Variants in SH3BGRL2 observed in about 807,000 individuals in gnomAD.
The protein encoded by SH3BGRL2 is SH3 domain binding glutamate rich protein like 2.
SH3BGRL2 carries 21 observed loss-of-function variants against 14.8 expected under a neutral mutation model. The observed-to-expected ratio is 1.42, with a 90% CI of 1.01 to 2.05. The LOEUF (loss-of-function observed/expected upper bound fraction) is 2.05. Ranked by LOEUF, SH3BGRL2 falls within the 30% of genes most tolerant of loss-of-function variation. SH3BGRL2 has a pLI of 0.00. For missense variants in SH3BGRL2, 147 were observed against 130.8 expected (o/e 1.12, Z -0.61); for synonymous variants, 50 against 47.8 (o/e 1.05, Z -0.19).
At chr6:79,562,115 G>A in the SH3BGRL2 span, among the ~76,000 whole-genome samples, 1 of 152,134 alleles carries the variant, frequency 6.6e-6, no homozygotes, top group African/African-American at 2.4e-5. Flanking sequence ...AACTAGTAGA[G>A]TAAGTTTACT....
At chr6:79,697,931 A>G (rs1770366588) in intron 3 of SH3BGRL2, among the ~76,000 whole-genome samples, 1 of 152,158 alleles carries the variant, frequency 6.6e-6, no homozygotes, top group Admixed American at 6.5e-5. Flanking sequence ...TTCTTTAGAG[A>G]CTGTGGGCTG....
the SH3BGRL2 span, among the ~76,000 whole-genome samples, chr6:79,547,914 G>A: frequency 6.6e-6 from 1 of 152,220 alleles, no homozygotes; most frequent in Non-Finnish European, 1.5e-5. Flanking sequence ...TGCCCAGGCT[G>A]GAGTGCAGGG....
intron 2 of SH3BGRL2, among the ~76,000 whole-genome samples, chr6:79,677,186 G>T (rs1056999157): frequency 2.6e-5 from 4 of 152,166 alleles, no homozygotes; most frequent in Non-Finnish European, 5.9e-5. Flanking sequence ...TTTCTGACTG[G>T]TGTCATCTGG....
At chr6:79,576,126 C>A in the SH3BGRL2 span, among the ~76,000 whole-genome samples, 2 of 152,132 alleles carry the variant, frequency 1.3e-5, no homozygotes, top group African/African-American at 4.8e-5. Flanking sequence ...CAAACCCTAT[C>A]ATACAAGCTA....
the SH3BGRL2 span, among the ~76,000 whole-genome samples, chr6:79,554,794 A>C: frequency 6.6e-6 from 1 of 152,160 alleles, no homozygotes; most frequent in East Asian, 1.9e-4. Context: ...TAAAATGGAA[A>C]ATATAATGAT....
At chr6:79,668,517 A>G (rs1769706207) in intron 1 of SH3BGRL2, among the ~76,000 whole-genome samples, 1 of 152,074 alleles carries the variant, frequency 6.6e-6, no homozygotes, top group Non-Finnish European at 1.5e-5. Context: ...GTCAAAGGGT[A>G]AAGGCTTATC....
the SH3BGRL2 span, among the ~76,000 whole-genome samples, chr6:79,589,669 A>T: frequency 6.6e-6 from 1 of 152,218 alleles, no homozygotes; most frequent in Admixed American, 6.5e-5. Flanking sequence ...GCTAGGTTCA[A>T]TATTGTTTAG....
chr6:79,598,237 C>T, the SH3BGRL2 span, among the ~76,000 whole-genome samples: 1 of 152,120 alleles, frequency 6.6e-6, no homozygotes, highest in Non-Finnish European at 1.5e-5. Flanking sequence ...AATTCCACTC[C>T]TAAGTGTATA....
At chr6:79,538,021 T>TTTTTTTTTTG in the SH3BGRL2 span, among the ~76,000 whole-genome samples, 1 of 62,942 alleles carries the variant, frequency 1.6e-5, no homozygotes, top group Non-Finnish European at 2.9e-5. Flanking sequence ...CACACAAGTT[T>TTTTTTTTTTG]TTTTTTTTTT....
intron 1 of SH3BGRL2, among the ~76,000 whole-genome samples, chr6:79,635,253 G>A (rs1255158743): frequency 3.3e-5 from 5 of 152,120 alleles, no homozygotes; most frequent in Admixed American, 6.6e-5. Flanking sequence ...AGAGTTGGAC[G>A]GAAACCTAAA....
the SH3BGRL2 span, among the ~76,000 whole-genome samples, chr6:79,582,310 A>C: frequency 6.6e-6 from 1 of 152,250 alleles, no homozygotes; most frequent in Non-Finnish European, 1.5e-5. Flanking sequence ...GGAACCAAAA[A>C]AGAGCCCTCA....
chr6:79,602,790 C>T, the SH3BGRL2 span, among the ~76,000 whole-genome samples: 1 of 151,814 alleles, frequency 6.6e-6, no homozygotes, highest in South Asian at 2.1e-4. Context: ...AAAAGAGAGA[C>T]ATGTAAGTAA....
the SH3BGRL2 span, among the ~76,000 whole-genome samples, chr6:79,596,452 T>G: frequency 6.6e-6 from 1 of 152,048 alleles, no homozygotes; most frequent in Non-Finnish European, 1.5e-5. Context: ...TGTGCCACTA[T>G]GCTGATTTGT....
the SH3BGRL2 span, among the ~76,000 whole-genome samples, chr6:79,573,658 A>G: frequency 6.6e-6 from 1 of 152,228 alleles, no homozygotes. Flanking sequence ...TAAAGTATCA[A>G]TAAAGGCTTA....
chr6:79,602,478 T>C, the SH3BGRL2 span, among the ~76,000 whole-genome samples: 97 of 152,268 alleles, frequency 6.4e-4, 1 homozygote, highest in African/African-American at 2.3e-3. Flanking sequence ...ACCCAAAGTG[T>C]GCTTGTCAGT....
chr6:79,565,569 C>A, the SH3BGRL2 span, among the ~76,000 whole-genome samples: 2 of 152,030 alleles, frequency 1.3e-5, no homozygotes, highest in East Asian at 3.9e-4. Flanking sequence ...TCAGTAGAGA[C>A]GCTATTTATT....
chr6:79,587,199 T>G, the SH3BGRL2 span, among the ~76,000 whole-genome samples: 1 of 152,248 alleles, frequency 6.6e-6, no homozygotes, highest in Non-Finnish European at 1.5e-5. Flanking sequence ...TCAGAACTTT[T>G]TTCCTCTATA....
the SH3BGRL2 span, among the ~76,000 whole-genome samples, chr6:79,572,194 C>T: frequency 1.3e-5 from 2 of 152,156 alleles, no homozygotes; most frequent in African/African-American, 4.8e-5. Context: ...TGTATGATTA[C>T]ACTACAATTT....
intron 1 of SH3BGRL2, among the ~76,000 whole-genome samples, chr6:79,665,674 A>G (rs1032748305): frequency 1.3e-5 from 2 of 152,234 alleles, no homozygotes; most frequent in Admixed American, 6.5e-5. Context: ...TAATACAAAT[A>G]TTTGCCCATG....
Sources: allele counts gnomAD v4.1 joint callset (sites outside exome capture counted in the v4.1 genomes callset), GRCh38; gene constraint gnomAD v4.1.1; transcripts MANE v1.5; gene names NCBI Gene and HGNC (gene_info 2026-07-23, HGNC 2026-07-21).